The following SNX29 variants were observed in gnomAD, a reference collection of about 807,000 sequenced individuals.
The protein encoded by SNX29 is sorting nexin 29.
In SNX29, 78 loss-of-function variants were observed where a neutral mutation model predicts 102.1. The ratio of observed to expected loss-of-function variants is 0.76; its 90% CI spans 0.64 to 0.92. The LOEUF (loss-of-function observed/expected upper bound fraction) is 0.92, where lower values mean the gene tolerates loss of function less well. SNX29 is among the 40% of genes least tolerant of loss of function. The probability of loss-of-function intolerance (pLI) is 0.00; values close to 1 mark genes in which losing one functional copy is unlikely to be tolerated. For synonymous variants in SNX29, 580 were observed against 414.5 expected (o/e 1.40, Z -4.85); for missense variants, 1,280 against 1,061.7 (o/e 1.21, Z -2.86).
chr16:12,448,071 C>T (rs1026311382), intron 18 of SNX29, among the ~76,000 whole-genome samples: 3 of 152,170 alleles, frequency 2.0e-5, no homozygotes, highest in Admixed American at 6.5e-5. Flanking sequence ...GCCTGTGTCT[C>T]GCAGTGGCCC....
chr16:12,304,070 A>T (rs1192151715), intron 15 of SNX29, among the ~76,000 whole-genome samples: 1 of 152,238 alleles, frequency 6.6e-6, no homozygotes, highest in Non-Finnish European at 1.5e-5. Context: ...CGTGTGTAAT[A>T]AGAATGATTT....
chr16:11,993,164 CATAAATAAATAAATAA>C (rs34364875), intron 1 of SNX29, among the ~76,000 whole-genome samples: 2 of 146,410 alleles, frequency 1.4e-5, no homozygotes, highest in African/African-American at 2.5e-5. Flanking sequence ...GACTCTGTCT[CATAAATAAATAAATAA>C]ATAAATAAAT....
chr16:12,232,135 G>C (rs1364031516), intron 14 of SNX29, among the ~76,000 whole-genome samples: 1 of 152,158 alleles, frequency 6.6e-6, no homozygotes, highest in East Asian at 1.9e-4. Context: ...CCCATATTTT[G>C]AGGATGAAAC....
Position 12,261,721 on chromosome 16 carries a change from C to T in SNX29, c.1679-16212C>T, listed in dbSNP as rs112532548. Among the ~76,000 whole-genome samples, 678 of 99,122 alleles carry T rather than the reference C, an allele frequency of 6.8e-3. 29 individuals carry two copies. The highest frequency in any genetic ancestry group is 0.028 in the African/African-American group (636 of 22,904). 65.0% of individuals were successfully genotyped at this position (99,122 alleles called of 152,430 possible). On this transcript the variant is annotated intron_variant, in intron 14 of 20. Transcript: ENST00000566228. The stretch of plus-strand genomic sequence containing the variant: ...GAGCTCGGGTCTGTGCGTGCGTCCC[C>T]GGCTGGAGTGAGTGTTTGCTGAGCT...
At chr16:12,064,027 G>T (rs982059450) in intron 9 of SNX29, among the ~76,000 whole-genome samples, 1 of 152,172 alleles carries the variant, frequency 6.6e-6, no homozygotes, top group Non-Finnish European at 1.5e-5. Flanking sequence ...AGTTTTGAAT[G>T]TGTGTTCACA....
chr16:12,259,159 C>T (rs951031585), intron 14 of SNX29, among the ~76,000 whole-genome samples: 1 of 152,154 alleles, frequency 6.6e-6, no homozygotes, highest in Non-Finnish European at 1.5e-5. Flanking sequence ...ACATCATCTC[C>T]GTGGGCTTTT....
At chr16:12,372,284 A>T (rs906809485) in intron 16 of SNX29, among the ~76,000 whole-genome samples, 2 of 152,162 alleles carry the variant, frequency 1.3e-5, no homozygotes, top group African/African-American at 4.8e-5. Flanking sequence ...AATCTTCCCC[A>T]TCCTTCAAGG....
intron 14 of SNX29, among the ~76,000 whole-genome samples, chr16:12,207,929 GT>G (rs2077086648): frequency 2.6e-5 from 4 of 152,056 alleles, no homozygotes; most frequent in Admixed American, 2.0e-4. Flanking sequence ...AAACATGCAG[GT>G]TTTTTCTTCT....
At chr16:12,568,032 C>G (rs751258953) in intron 20 of SNX29, among the ~76,000 whole-genome samples, 9 of 152,138 alleles carry the variant, frequency 5.9e-5, no homozygotes, top group African/African-American at 2.2e-4. Context: ...TTTAACTAGC[C>G]CCTAGCCTAG....
intron 19 of SNX29, among the ~76,000 whole-genome samples, chr16:12,509,877 C>T (rs1314102585): frequency 6.6e-6 from 1 of 152,264 alleles, no homozygotes; most frequent in African/African-American, 2.4e-5. Flanking sequence ...TTTATTCCCT[C>T]ATGTCCCTGT....
intron 14 of SNX29, among the ~76,000 whole-genome samples, chr16:12,201,223 A>T (rs1173243879): frequency 6.6e-6 from 1 of 152,108 alleles, no homozygotes; most frequent in Non-Finnish European, 1.5e-5. Context: ...TTTCATACAG[A>T]TATTGCTATT....
chr16:12,030,827 G>A (rs2057319822), intron 4 of SNX29, among the ~76,000 whole-genome samples: 1 of 152,124 alleles, frequency 6.6e-6, no homozygotes, highest in Non-Finnish European at 1.5e-5. Flanking sequence ...CTTATGCCGT[G>A]CTGTATGCCA....
chr16:12,570,203 G>C lies in SNX29; in HGVS notation c.*1574G>C, dbSNP rs1008628931. 7 of 1,065,234 alleles carry C rather than the reference G, an allele frequency of 6.6e-6. No homozygotes were observed. Among genetic ancestry groups the C allele is most frequent in the Non-Finnish European group, 8.0e-6 (7 of 879,176 alleles). The allele number at this position is 1,065,234 out of a possible 1,614,324, so 66.0% of individuals were successfully genotyped here. A position where few individuals can be genotyped will look rare whatever the true frequency, so the allele number is the denominator to read the frequency against. On this transcript the variant is annotated 3_prime_UTR_variant, in exon 21 of 21. Coordinates refer to ENST00000566228, the MANE Select transcript of SNX29 (RefSeq NM_032167.5). ...CCGAGTCAGCCTACATGACTTCCAA[G>C]GGGACCTGGGGCCAGATAAGCCCTG...
chr16:12,242,877 G>A (rs2142310578), intron 14 of SNX29, among the ~76,000 whole-genome samples: 1 of 152,214 alleles, frequency 6.6e-6, no homozygotes, highest in South Asian at 2.1e-4. Flanking sequence ...GCCCAGGCTG[G>A]ACTCAAGCAG....
chr16:12,405,321 G>A (rs187548848), intron 18 of SNX29, among the ~76,000 whole-genome samples: 14 of 152,278 alleles, frequency 9.2e-5, no homozygotes, highest in East Asian at 1.9e-4. Flanking sequence ...GAATTGAGAC[G>A]GACCTTAGCA....
In SNX29 at chr16:12,572,746, T is replaced by C. The variant is rs1009792440; in HGVS notation, c.*4117T>C. On this transcript the variant is annotated 3_prime_UTR_variant, in exon 21 of 21. Transcript: ENST00000566228. ...AACTGATGGCAAAGGAAGGGCTGGGTTTTCAGCTTCTGGGACCCGAGGAAG... is the reference window on the plus strand; with the variant it reads ...AACTGATGGCAAAGGAAGGGCTGGGCTTTCAGCTTCTGGGACCCGAGGAAG... The C allele has an allele frequency of 9.4e-7, 1 of 1,063,840 alleles. No homozygotes were observed. Among genetic ancestry groups the C allele is most frequent in the African/African-American group, 1.6e-5 (1 of 60,966 alleles). 65.9% of individuals were successfully genotyped at this position (1,063,840 alleles called of 1,614,324 possible). A position where few individuals can be genotyped will look rare whatever the true frequency, so the allele number is the denominator to read the frequency against.
At chr16:12,304,630 T>G (rs1010503737) in intron 15 of SNX29, among the ~76,000 whole-genome samples, 3 of 152,226 alleles carry the variant, frequency 2.0e-5, no homozygotes, top group Non-Finnish European at 4.4e-5. Flanking sequence ...TGACCTCAAG[T>G]GATCCACCTG....
intron 19 of SNX29, among the ~76,000 whole-genome samples, chr16:12,492,846 T>C (rs1226567797): frequency 1.3e-5 from 2 of 152,246 alleles, no homozygotes; most frequent in African/African-American, 2.4e-5. Context: ...GTTGTAGATA[T>C]GCAGCATTAT....
intron 12 of SNX29, among the ~76,000 whole-genome samples, chr16:12,128,252 C>A (rs1355732646): frequency 2.0e-5 from 3 of 152,176 alleles, no homozygotes; most frequent in African/African-American, 4.8e-5. Context: ...TAGATTTTGT[C>A]TTACCTTGTG....
Sources: gnomAD v4.1 joint callset for allele counts (sites outside exome capture counted in the v4.1 genomes callset) on GRCh38, gnomAD v4.1.1 for gene constraint, MANE v1.5 for transcripts, NCBI Gene and HGNC (gene_info 2026-07-23, HGNC 2026-07-21) for gene names.